Variants in DLG2 observed in about 807,000 individuals in gnomAD.
The protein encoded by DLG2 is discs large MAGUK scaffold protein 2, also known as disks large homolog 2.
Under a neutral mutation model 132.5 loss-of-function variants are expected in DLG2, and 45 were observed. The observed-to-expected ratio is 0.34, with a 90% confidence interval of 0.27 to 0.44. The LOEUF is 0.44. DLG2 is among the 20% of genes least tolerant of loss of function. The pLI is 1.00. For synonymous variants in DLG2, 424 were observed against 419.6 expected (o/e 1.01, Z -0.13); for missense variants, 1,045 against 1,196.9 (o/e 0.87, Z 1.87).
At chr11:83,887,276 G>A (rs922006316) in intron 15 of DLG2, among the ~76,000 whole-genome samples, 26 of 151,938 alleles carry the variant, frequency 1.7e-4, no homozygotes, top group African/African-American at 4.8e-4. Context: ...TATCACCACC[G>A]ATCTCACAGA....
intron 3 of DLG2, chr11:85,469,626 G>C (rs1429626198): frequency 6.6e-6 from 1 of 152,218 alleles, no homozygotes; most frequent in Non-Finnish European, 1.5e-5. Context: ...AGGAACAACA[G>C]CCTTTCACCT....
intron 21 of DLG2, among the ~76,000 whole-genome samples, chr11:83,495,857 CA>C (rs2094122741): frequency 1.3e-5 from 2 of 152,118 alleles, no homozygotes; most frequent in Non-Finnish European, 2.9e-5. Context: ...GATCTAAACA[CA>C]CAGGCTTAAA....
chr11:83,926,508 C>T (rs1002925834), intron 15 of DLG2, among the ~76,000 whole-genome samples: 1 of 152,020 alleles, frequency 6.6e-6, no homozygotes, highest in African/African-American at 2.4e-5. Flanking sequence ...CACCTTGCAC[C>T]TTTGTAAAAA....
At chr11:84,173,159 A>G (rs886103663) in intron 8 of DLG2, among the ~76,000 whole-genome samples, 4 of 152,222 alleles carry the variant, frequency 2.6e-5, no homozygotes, top group African/African-American at 9.6e-5. Flanking sequence ...GTTACTTAGT[A>G]TGTTCAAAAC....
chr11:84,737,229 T>G (rs1187133862), intron 6 of DLG2, among the ~76,000 whole-genome samples: 1 of 151,998 alleles, frequency 6.6e-6, no homozygotes, highest in Non-Finnish European at 1.5e-5. Context: ...ATAATTTTAG[T>G]GTACTACTGG....
intron 7 of DLG2, among the ~76,000 whole-genome samples, chr11:84,351,688 T>C (rs1269243864): frequency 1.3e-5 from 2 of 152,174 alleles, no homozygotes; most frequent in Non-Finnish European, 2.9e-5. Context: ...TTTGACAAAT[T>C]TGTAGTCAGC....
At chr11:85,464,466 C>T (rs986812838) in intron 3 of DLG2, among the ~76,000 whole-genome samples, 1 of 152,054 alleles carries the variant, frequency 6.6e-6, no homozygotes, top group Non-Finnish European at 1.5e-5. Context: ...GAAAATGTTC[C>T]CTGTGAGCTT....
At chr11:83,599,817 GA>G (rs2058234688) in intron 19 of DLG2, among the ~76,000 whole-genome samples, 1 of 152,174 alleles carries the variant, frequency 6.6e-6, no homozygotes, top group Admixed American at 6.5e-5. Context: ...ACAGTGAGTT[GA>G]AAAGCAGTAT....
At chr11:83,761,185 T>G (rs1459039189) in intron 18 of DLG2, among the ~76,000 whole-genome samples, 1 of 152,080 alleles carries the variant, frequency 6.6e-6, no homozygotes, top group Non-Finnish European at 1.5e-5. Context: ...GAATGGGCAT[T>G]TATTTGCTGG....
rs187213838 is a variant in DLG2 at position 85,414,116 on chromosome 11, C to T, written c.41-128751G>A. ...TTTTCCTTGTAGAGGCCTTTCACCTCCTTGGTTTGGTATATTCCTAAATAT... is the reference window on the plus strand; with the variant it reads ...TTTTCCTTGTAGAGGCCTTTCACCTTCTTGGTTTGGTATATTCCTAAATAT... On this transcript the variant is annotated intron_variant, in intron 3 of 27. Transcript: ENST00000376104. Among the ~76,000 whole-genome samples, 378 of 152,116 alleles carry T rather than the reference C, an allele frequency of 2.5e-3. 1 individual carries two copies. Among genetic ancestry groups the T allele is most frequent in the African/African-American group, 8.8e-3 (366 of 41,544 alleles).
intron 6 of DLG2, among the ~76,000 whole-genome samples, chr11:85,043,323 T>C (rs1025196819): frequency 1.1e-4 from 16 of 151,876 alleles, no homozygotes; most frequent in Admixed American, 2.6e-4. Context: ...TATACTGAGC[T>C]TATTTTTATT....
intron 20 of DLG2, among the ~76,000 whole-genome samples, chr11:83,539,767 T>C (rs1161095753): frequency 1.3e-5 from 2 of 152,070 alleles, no homozygotes; most frequent in East Asian, 3.8e-4. Flanking sequence ...TCAGCTATAC[T>C]CTGGTTGTTA....
intron 6 of DLG2, among the ~76,000 whole-genome samples, chr11:85,000,534 C>T (rs1387867594): frequency 6.6e-6 from 1 of 152,064 alleles, no homozygotes; most frequent in African/African-American, 2.4e-5. Flanking sequence ...ACTTGATTTA[C>T]ATGTTTCTTG....
intron 8 of DLG2, among the ~76,000 whole-genome samples, chr11:84,190,256 A>G (rs2096380034): frequency 6.6e-6 from 1 of 152,188 alleles, no homozygotes; most frequent in Admixed American, 6.6e-5. Flanking sequence ...CTCAGCATAC[A>G]TAAAGACAGA....
rs567878534 is a variant in DLG2 at position 84,373,188 on chromosome 11, G to A, written c.520-121897C>T. Among the ~76,000 whole-genome samples, 4 of 134,298 alleles carry A rather than the reference G, an allele frequency of 3.0e-5. No homozygotes were observed. The South Asian group carries it at 1.0e-3, about 34-fold the overall frequency. 88.1% of individuals were successfully genotyped at this position (134,298 alleles called of 152,430 possible). On this transcript the variant is annotated intron_variant, in intron 7 of 27. Coordinates refer to ENST00000376104, the MANE Select transcript of DLG2 (RefSeq NM_001142699.3). ...CGTTCAAACTCCAGACGACTATCTGGATGATCTCAACAATGTTACTTAATT... is the reference window on the plus strand; with the variant it reads ...CGTTCAAACTCCAGACGACTATCTGAATGATCTCAACAATGTTACTTAATT...
chr11:85,195,473 T>C (rs958269794), intron 4 of DLG2, among the ~76,000 whole-genome samples: 3 of 151,600 alleles, frequency 2.0e-5, no homozygotes, highest in African/African-American at 4.9e-5. Context: ...AAACCTAGAA[T>C]TGGGCAAACT....
intron 7 of DLG2, among the ~76,000 whole-genome samples, chr11:84,508,592 G>T (rs1403319703): frequency 1.3e-5 from 2 of 151,790 alleles, no homozygotes; most frequent in African/African-American, 4.8e-5. Context: ...TAGAGACAGG[G>T]TTTCACCGTG....
intron 3 of DLG2, among the ~76,000 whole-genome samples, chr11:85,455,601 T>C (rs2092396607): frequency 6.6e-6 from 1 of 152,126 alleles, no homozygotes; most frequent in Non-Finnish European, 1.5e-5. Context: ...GGTCTCATTC[T>C]GGTTATCAAG....
chr11:83,953,230 C>A (rs989217762), intron 14 of DLG2, among the ~76,000 whole-genome samples: 9 of 152,140 alleles, frequency 5.9e-5, no homozygotes, highest in African/African-American at 1.9e-4. Context: ...AGTAAACTCA[C>A]CCACAGCAGC....
Sources: allele counts gnomAD v4.1 joint callset (sites outside exome capture counted in the v4.1 genomes callset), GRCh38; gene constraint gnomAD v4.1.1; transcripts MANE v1.5; gene names NCBI Gene and HGNC (gene_info 2026-07-23, HGNC 2026-07-21).